ZNF474: variants seen among roughly 807,000 people sequenced by gnomAD.
ZNF474 encodes zinc finger protein 474, also known as 4933409D10Rik.
For synonymous variants in ZNF474, 192 were observed against 162.2 expected, an observed-to-expected ratio of 1.18 and a Z score of -1.39; for missense variants, 511 against 433.8, an observed-to-expected ratio of 1.18 and a Z score of -1.58.
intron 1 of ZNF474, among the ~76,000 whole-genome samples, chr5:122,146,321 T>C (rs1457299137): frequency 1.3e-5 from 2 of 152,162 alleles, no homozygotes; most frequent in Non-Finnish European, 2.9e-5. Context: ...AGCTCTTTAA[T>C]AAGCTTGTGG....
chr5:122,145,552 A>C (rs1755968098), intron 1 of ZNF474, among the ~76,000 whole-genome samples: 1 of 152,194 alleles, frequency 6.6e-6, no homozygotes, highest in Non-Finnish European at 1.5e-5. Context: ...GGGGGTCAGC[A>C]GGTGAAGAGT....
At position 122,136,161 on chromosome 5, in the gene ZNF474, AAAT is replaced by A. The variant is rs554016334; in HGVS notation, c.-213+6482_-213+6484del. On this transcript the variant is annotated intron_variant, in intron 1 of 1. Transcript: ENST00000296600. ...CTAGAATTGTGATGTTCCCAACACA[AAAT>A]AATGATAAATGCTTGAGGAGGTAGA... Among the ~76,000 whole-genome samples, 6 of 152,330 alleles carry A rather than the reference AAAT, an allele frequency of 3.9e-5. No individual in the cohort carries two copies. In the South Asian group the frequency reaches 1.2e-3, roughly 32 times the overall value.
At position 122,152,240 on chromosome 5, in the gene ZNF474, C is replaced by A. The variant is rs535496939; in HGVS notation, c.250C>A (p.Pro84Thr). 2 of 1,614,196 alleles carry A rather than the reference C, an allele frequency of 1.2e-6. No individual in the cohort carries two copies. Among genetic ancestry groups the A allele is most frequent in the Admixed American group, 1.7e-5 (1 of 60,026 alleles). Residue 84 changes from proline (P) to threonine (T), a missense_variant, in exon 2 of 2, where the codon CCC (proline) becomes ACC (threonine). Transcript: ENST00000296600. ...RRIISESQLSPPVIPARRPGF... is the reference protein window; with the variant it reads ...RRIISESQLSTPVIPARRPGF... ...AATTATATCGGAAAGCCAGCTTAGCCCCCCTGTGATCCCGGCCCGCAGGCC... is the reference window on the plus strand; with the variant it reads ...AATTATATCGGAAAGCCAGCTTAGCACCCCTGTGATCCCGGCCCGCAGGCC...
In ZNF474 at chr5:122,152,329, AC is replaced by A; in HGVS notation, c.343del (p.Gln115SerfsTer17). The A allele has an allele frequency of 3.1e-6, 5 of 1,614,098 alleles. No homozygotes were observed. Among genetic ancestry groups the A allele is most frequent in the Non-Finnish European group, 3.4e-6 (4 of 1,180,008 alleles). On this transcript the variant is annotated frameshift_variant, in exon 2 of 2. Transcript: ENST00000296600. LOFTEE classifies it low-confidence loss of function (END_TRUNC). ...FGSQSIAIHE[P>X]QCLQKWHIEN... Reference sequence around the variant, plus strand: ...GGTCCCAGTCAATTGCCATTCATGAACCCCAGTGCTTGCAGAAGTGGCATAT... The same window carrying A: ...GGTCCCAGTCAATTGCCATTCATGAACCCAGTGCTTGCAGAAGTGGCATAT...
At chr5:122,142,923 A>G (rs1306784873) in intron 1 of ZNF474, among the ~76,000 whole-genome samples, 1 of 152,180 alleles carries the variant, frequency 6.6e-6, no homozygotes, top group Non-Finnish European at 1.5e-5. Flanking sequence ...TGATTCATGC[A>G]CACAGCAGAG....
intron 1 of ZNF474, among the ~76,000 whole-genome samples, chr5:122,145,056 C>A (rs986165891): frequency 6.6e-6 from 1 of 152,168 alleles, no homozygotes; most frequent in African/African-American, 2.4e-5. Context: ...ATTTCTCTCA[C>A]TTTTTTCATA....
rs771435784 is a variant in ZNF474, at chr5:122,153,025, T to C, written c.1035T>C (p.Asp345=). The change falls in exon 2 of 2, where the codon GAT becomes GAC. Residue 345 remains aspartate (D), a synonymous_variant. Transcript: ENST00000296600. Reference sequence around the variant, plus strand: ...ACAGGGCAGCACCCAGTGTAACTGATAAGGTAATTCATGCCACACAAGACG... The same window carrying C: ...ACAGGGCAGCACCCAGTGTAACTGACAAGGTAATTCATGCCACACAAGACG... The part of the protein sequence containing the change: ...QRNRAAPSVT[D]KVIHATQDAL... The C allele has an allele frequency of 1.2e-6, 2 of 1,613,978 alleles. No homozygotes were observed. The highest frequency in any genetic ancestry group is 1.7e-6 in the Non-Finnish European group (2 of 1,180,014).
chr5:122,136,249 C>T (rs949017481), intron 1 of ZNF474, among the ~76,000 whole-genome samples: 3 of 151,982 alleles, frequency 2.0e-5, no homozygotes, highest in Non-Finnish European at 4.4e-5. Context: ...AATATCATAC[C>T]TATGCCATAA....
intron 1 of ZNF474, among the ~76,000 whole-genome samples, chr5:122,138,258 A>T (rs1455591248): frequency 6.6e-6 from 1 of 152,224 alleles, no homozygotes; most frequent in Non-Finnish European, 1.5e-5. Context: ...AAACAAAAAC[A>T]TGCTAAATAT....
chr5:122,141,746 C>T (rs913778119), intron 1 of ZNF474, among the ~76,000 whole-genome samples: 24 of 152,162 alleles, frequency 1.6e-4, no homozygotes, highest in African/African-American at 3.9e-4. Context: ...GCTCACAGCA[C>T]GATCATCTTT....
intron 1 of ZNF474, among the ~76,000 whole-genome samples, chr5:122,148,389 G>A (rs1163506920): frequency 1.3e-5 from 2 of 152,200 alleles, no homozygotes; most frequent in Non-Finnish European, 2.9e-5. Flanking sequence ...TCAAATGGAC[G>A]TTTTGTGATG....
intron 1 of ZNF474, among the ~76,000 whole-genome samples, chr5:122,133,706 T>A (rs1331638959): frequency 1.3e-5 from 2 of 152,166 alleles, no homozygotes; most frequent in East Asian, 3.9e-4. Flanking sequence ...ACTACAGGTG[T>A]GCACCACCAT....
In ZNF474 at chr5:122,140,294, A is replaced by G. The variant is rs116012250; in HGVS notation, c.-213+10611A>G. On this transcript the variant is annotated intron_variant, in intron 1 of 1. Transcript: ENST00000296600. ...ACACATACGAGTGCAAATAAAACTG[A>G]GGATTCTGACTTAGCTCAGTAGATT... 1.6e-3 allele frequency among the ~76,000 whole-genome samples: 245 copies of G among 152,344 alleles called. 1 individual carries two copies. Among genetic ancestry groups the G allele is most frequent in the Admixed American group, 3.7e-3 (56 of 15,290 alleles).
At chr5:122,136,236 C>A (rs1755696919) in intron 1 of ZNF474, among the ~76,000 whole-genome samples, 1 of 152,004 alleles carries the variant, frequency 6.6e-6, no homozygotes, top group Non-Finnish European at 1.5e-5. Flanking sequence ...ATGCTTATAT[C>A]AAAATATCAT....
Position 122,151,882 on chromosome 5 carries a change from C to A in ZNF474, c.-109C>A. 7.4e-7 allele frequency: 1 copy of A among 1,359,534 alleles called. No homozygotes were observed. Among genetic ancestry groups the A allele is most frequent in the Non-Finnish European group, 9.9e-7 (1 of 1,008,192 alleles). The allele number at this position is 1,359,534 out of a possible 1,614,324, so 84.2% of individuals were successfully genotyped here. On this transcript the variant is annotated 5_prime_UTR_variant, in exon 2 of 2. Transcript: ENST00000296600. ...GTCTGTGAGGCTAAGGTACTGGCAA[C>A]GGTGTGAACCCCAGGACAACTAACC...
Position 122,152,695 on chromosome 5 carries a change from C to T in ZNF474, c.705C>T (p.Ser235=). The change falls in exon 2 of 2, where the codon TCC becomes TCT. Residue 235 remains serine (S), a synonymous_variant. Coordinates refer to ENST00000296600, the MANE Select transcript of ZNF474 (RefSeq NM_207317.3). ...GTGGTAAGGAATTTGGCACCCTGTCCCTTCCTATTCATGAGCCCAAATGCC... is the reference window on the plus strand; with the variant it reads ...GTGGTAAGGAATTTGGCACCCTGTCTCTTCCTATTCATGAGCCCAAATGCC... The part of the protein sequence containing the change: ...YICGKEFGTL[S]LPIHEPKCLE... 1 of 1,614,160 alleles carries T rather than the reference C, an allele frequency of 6.2e-7. No individual in the cohort carries two copies. Among genetic ancestry groups the T allele is most frequent in the Non-Finnish European group, 8.5e-7 (1 of 1,180,040 alleles).
chr5:122,149,916 C>T (rs530307885), intron 1 of ZNF474, among the ~76,000 whole-genome samples: 21 of 142,192 alleles, frequency 1.5e-4, no homozygotes, highest in Admixed American at 3.4e-4. Flanking sequence ...TGTGTGTGCG[C>T]GCGTGAGAGA....
Position 122,152,656 on chromosome 5 carries a change from TA to T in ZNF474, c.667del (p.Ile223SerfsTer96), listed in dbSNP as rs1247713660. The T allele has an allele frequency of 2.5e-6, 4 of 1,614,092 alleles. No individual in the cohort carries two copies. The highest frequency in any genetic ancestry group is 3.4e-6 in the Non-Finnish European group (4 of 1,180,040). On this transcript the variant is annotated frameshift_variant, in exon 2 of 2. Coordinates refer to ENST00000296600, the MANE Select transcript of ZNF474 (RefSeq NM_207317.3). LOFTEE classifies it low-confidence loss of function (END_TRUNC). ...SGTPARPRTV[I>X]CYICGKEFGT... ...GAACCCCAGCCCGACCAAGGACTGT[TA>T]TCTGCTACATATGTGGTAAGGAATT...
At chr5:122,132,701 T>C (rs1292009329) in intron 1 of ZNF474, among the ~76,000 whole-genome samples, 3 of 152,190 alleles carry the variant, frequency 2.0e-5, no homozygotes, top group African/African-American at 7.2e-5. Context: ...TTTCTCCCTA[T>C]GTGCATCCAG....
Sources: gnomAD v4.1 joint callset for allele counts (sites outside exome capture counted in the v4.1 genomes callset) on GRCh38, gnomAD v4.1.1 for gene constraint, MANE v1.5 for transcripts, NCBI Gene and HGNC (gene_info 2026-07-23, HGNC 2026-07-21) for gene names.